Variants in KLF6 observed in about 807,000 individuals in gnomAD.
The protein encoded by KLF6 is Krueppel-like factor 6.
For missense variants in KLF6, 233 were observed against 359.8 expected, an observed-to-expected ratio of 0.65 and a Z score of 2.85; for synonymous variants, 152 against 147.9, an observed-to-expected ratio of 1.03 and a Z score of -0.20.
At chr10:3,779,677 GC>G in intron 3 of KLF6, 87 bp from the exon 4 acceptor site, 1 of 1,218,878 alleles carries the variant, frequency 8.2e-7, no homozygotes, top group Non-Finnish European at 1.2e-6. Flanking sequence ...TCCCTGCCCT[GC>G]CCAGCCTAAC....
rs2131098246 is a variant in KLF6 at position 3,781,769 on chromosome 10, G to A, written c.548C>T (p.Pro183Leu). Reference protein sequence around the residue: ...GKVRSGTSGKPGDKGNGDASP... With the variant: ...GKVRSGTSGKLGDKGNGDASP... ...GGCATCGCCATTTCCCTTGTCACCT[G>A]GCTTCCCCGAAGTCCCGCTGCGCAC... The change falls in exon 2 of 4, where the codon CCA becomes CTA. Residue 183 changes from proline (P) to leucine (L), a missense_variant. Coordinates refer to ENST00000497571, the MANE Select transcript of KLF6 (RefSeq NM_001300.6). The surrounding 1 kb of genome is among the most constrained non-coding windows in gnomAD (Gnocchi z 5.8). The A allele has an allele frequency of 1.2e-6, 2 of 1,614,246 alleles. No individual in the cohort carries two copies. The highest frequency in any genetic ancestry group is 1.7e-6 in the Non-Finnish European group (2 of 1,180,046).
At position 3,781,623 on chromosome 10, in the gene KLF6, G is replaced by T. The variant is rs1378356744; in HGVS notation, c.676+18C>A. The T allele has an allele frequency of 1.2e-6, 2 of 1,611,626 alleles. No homozygotes were observed. Among genetic ancestry groups the T allele is most frequent in the East Asian group, 2.2e-5 (1 of 44,806 alleles). On this transcript the variant is annotated intron_variant, in intron 2 of 3. Coordinates refer to ENST00000497571, the MANE Select transcript of KLF6 (RefSeq NM_001300.6). The surrounding 1 kb of genome is among the most constrained non-coding windows in gnomAD (Gnocchi z 5.8). ...CGCCCACCAGCGGCCGCCCTCCGGG[G>T]CCCGCGTGGGCACTGACCTGTGTGC...
intron 1 of KLF6, among the ~76,000 whole-genome samples, chr10:3,784,522 A>T (rs1056846719): frequency 8.5e-5 from 13 of 152,264 alleles, no homozygotes; most frequent in South Asian, 2.1e-4. Context: ...TGATTTTTTT[A>T]AAAAACTGTT....
In KLF6 at chr10:3,778,119, C is replaced by T. The variant is rs1302858827; in HGVS notation, c.*1420G>A. ...GCCTAAAGTGTTGAACAAATACTGACATGTAAAGGGAGTTTCACTCTATGT... is the reference window on the plus strand; with the variant it reads ...GCCTAAAGTGTTGAACAAATACTGATATGTAAAGGGAGTTTCACTCTATGT... On this transcript the variant is annotated 3_prime_UTR_variant, in exon 4 of 4. Coordinates refer to ENST00000497571, the MANE Select transcript of KLF6 (RefSeq NM_001300.6). 7.7e-6 allele frequency: 4 copies of T among 517,096 alleles called. No homozygotes were observed. Among genetic ancestry groups the T allele is most frequent in the African/African-American group, 3.8e-5 (2 of 52,822 alleles). 32.0% of individuals were successfully genotyped at this position (517,096 alleles called of 1,614,324 possible).
At position 3,780,299 on chromosome 10, in the gene KLF6, A is replaced by C. The variant is rs1200646989; in HGVS notation, c.677-70T>G. 12 of 1,590,664 alleles carry C rather than the reference A, an allele frequency of 7.5e-6. No individual in the cohort carries two copies. The East Asian group carries it at 1.1e-4, about 15-fold the overall frequency. ...CGCAGACGGAAAGGGGAAATTCAAC[A>C]ACACACACAGTGGTGGGATGCAAGG... is the stretch of plus-strand genomic sequence containing the variant. On this transcript the variant is annotated intron_variant, in intron 2 of 3. Coordinates refer to ENST00000497571, the MANE Select transcript of KLF6 (RefSeq NM_001300.6). The surrounding 1 kb of genome is among the most constrained non-coding windows in gnomAD (Gnocchi z 4.6).
In KLF6 at chr10:3,778,435, T is replaced by C. The variant is rs1204362754; in HGVS notation, c.*1104A>G. 5.7e-6 allele frequency: 3 copies of C among 525,640 alleles called. No individual in the cohort carries two copies. The highest frequency in any genetic ancestry group is 4.1e-5 in the East Asian group (1 of 24,634). The allele number at this position is 525,640 out of a possible 1,614,324, so 32.6% of individuals were successfully genotyped here. ...CCACCCAACTGAGAAAAATTTTAGG[T>C]TCTTAAGTCTAATGAAACATTAGAC... On this transcript the variant is annotated 3_prime_UTR_variant, in exon 4 of 4. Coordinates refer to ENST00000497571, the MANE Select transcript of KLF6 (RefSeq NM_001300.6).
rs1832513213 is a variant in KLF6, at chr10:3,781,300, A to C, written c.676+341T>G. On this transcript the variant is annotated intron_variant, in intron 2 of 3. Coordinates refer to ENST00000497571, the MANE Select transcript of KLF6 (RefSeq NM_001300.6). The surrounding 1 kb of genome is among the most constrained non-coding windows in gnomAD (Gnocchi z 5.8). ...AGGAAACCCCAGGGCCGCTCGAGGT[A>C]GCCTCGTGCGAGTGCACTGGTGAAG... 17 of 883,590 alleles carry C rather than the reference A, an allele frequency of 1.9e-5. No homozygotes were observed. In the South Asian group the frequency reaches 3.2e-4, roughly 16 times the overall value. The allele number at this position is 883,590 out of a possible 1,614,324, so 54.7% of individuals were successfully genotyped here.
rs143099103 is a variant in KLF6 at position 3,779,297 on chromosome 10, G to A, written c.*242C>T. The A allele has an allele frequency of 2.0e-5, 13 of 654,294 alleles. No homozygotes were observed. The highest frequency in any genetic ancestry group is 1.8e-4 in the East Asian group (6 of 34,016). 40.5% of individuals were successfully genotyped at this position (654,294 alleles called of 1,614,324 possible). ...GCATGCTCACGGCAAAGGCTTAGGC[G>A]CCGCTCGGAAGGGCGGGTACCAGTG... On this transcript the variant is annotated 3_prime_UTR_variant, in exon 4 of 4. Transcript: ENST00000497571.
chr10:3,777,558 C>G lies in KLF6; in HGVS notation c.*1981G>C. Reference sequence around the variant, plus strand: ...CTGCCCATTTGATGGACAGAGCAGACAGCCCGGAACAGATTCAAGCAAGAA... The same window carrying G: ...CTGCCCATTTGATGGACAGAGCAGAGAGCCCGGAACAGATTCAAGCAAGAA... On this transcript the variant is annotated 3_prime_UTR_variant, in exon 4 of 4. Coordinates refer to ENST00000497571, the MANE Select transcript of KLF6 (RefSeq NM_001300.6). 2.0e-6 allele frequency: 1 copy of G among 510,696 alleles called. No homozygotes were observed. The highest frequency in any genetic ancestry group is 3.8e-6 in the Non-Finnish European group (1 of 261,396). 31.6% of individuals were successfully genotyped at this position (510,696 alleles called of 1,614,324 possible). A position where few individuals can be genotyped will look rare whatever the true frequency, so the allele number is the denominator to read the frequency against.
rs1400479269 is a variant in KLF6 at position 3,781,813 on chromosome 10, C to T, written c.504G>A (p.Glu168=). The change falls in exon 2 of 4, where the codon GAG becomes GAA. Residue 168 remains glutamate, a synonymous_variant. Coordinates refer to ENST00000497571, the MANE Select transcript of KLF6 (RefSeq NM_001300.6). This position sits in a 1 kb window ranked among gnomAD's most constrained non-coding sequence, Gnocchi z 5.8. ...TGCGCACCTTCCCTGGCGAGGGCAG[C>T]TCCCCGGGCACGCAACCCCACAGTT... ...PSQLWGCVPG[E]LPSPGKVRSG... is the part of the protein sequence containing the mutation. 1 of 1,614,250 alleles carries T rather than the reference C, an allele frequency of 6.2e-7. No homozygotes were observed. The highest frequency in any genetic ancestry group is 1.1e-5 in the South Asian group (1 of 91,088).
Position 3,781,272 on chromosome 10 carries a change from T to G in KLF6, c.676+369A>C. On this transcript the variant is annotated intron_variant, in intron 2 of 3. Transcript: ENST00000497571. The surrounding 1 kb of genome is among the most constrained non-coding windows in gnomAD (Gnocchi z 5.8). Reference sequence around the variant, plus strand: ...CCTCTGTCCTGACCCTTGAGTTTCATTTAGGAAACCCCAGGGCCGCTCGAG... The same window carrying G: ...CCTCTGTCCTGACCCTTGAGTTTCAGTTAGGAAACCCCAGGGCCGCTCGAG... The G allele has an allele frequency of 7.1e-5, 47 of 661,986 alleles. No individual in the cohort carries two copies. The highest frequency in any genetic ancestry group is 1.8e-4 in the East Asian group (6 of 32,726). The allele number at this position is 661,986 out of a possible 1,614,324, so 41.0% of individuals were successfully genotyped here.
In KLF6 at chr10:3,776,970, A is replaced by G. The variant is rs1832398214; in HGVS notation, c.*2569T>C. On this transcript the variant is annotated 3_prime_UTR_variant, in exon 4 of 4. Transcript: ENST00000497571. ...TGTCTTTTGCTTACCTTCTTGCTTA[A>G]TGGAATTGTTATGGCTAAGCACATA... is the stretch of plus-strand genomic sequence containing the variant. 2 of 515,456 alleles carry G rather than the reference A, an allele frequency of 3.9e-6. No individual in the cohort carries two copies. Among genetic ancestry groups the G allele is most frequent in the Non-Finnish European group, 7.5e-6 (2 of 265,938 alleles). 31.9% of individuals were successfully genotyped at this position (515,456 alleles called of 1,614,324 possible).
In KLF6 at chr10:3,782,828, G is replaced by A. The variant is rs927470410; in HGVS notation, c.103-614C>T. Among the ~76,000 whole-genome samples, 5 of 152,234 alleles carry A rather than the reference G, an allele frequency of 3.3e-5. No individual in the cohort carries two copies. Among genetic ancestry groups the A allele is most frequent in the African/African-American group, 1.2e-4 (5 of 41,462 alleles). On this transcript the variant is annotated intron_variant, in intron 1 of 3. Coordinates refer to ENST00000497571, the MANE Select transcript of KLF6 (RefSeq NM_001300.6). This position sits in a 1 kb window ranked among gnomAD's most constrained non-coding sequence, Gnocchi z 4.3. ...TGCAGAAAAACCACCCATTTCCTGTGTAGCCCAGACCGCCTATGTTTTCAC... is the reference window on the plus strand; with the variant it reads ...TGCAGAAAAACCACCCATTTCCTGTATAGCCCAGACCGCCTATGTTTTCAC...
chr10:3,781,951 C>G lies in KLF6; in HGVS notation c.366G>C (p.Thr122=), dbSNP rs141079724. Residue 122 remains threonine (T), a synonymous_variant, in exon 2 of 4, where the codon ACG becomes ACC. Coordinates refer to ENST00000497571, the MANE Select transcript of KLF6 (RefSeq NM_001300.6). The surrounding 1 kb of genome is among the most constrained non-coding windows in gnomAD (Gnocchi z 5.8). ...CAATGGGGTCGGAGGTAAACTTGGC[C>G]GTGGGAGAAAGTTCCTCGGAGCTGT... ...SSDSSEELSP[T]AKFTSDPIGE... is the part of the protein sequence containing the mutation. The G allele has an allele frequency of 1.9e-6, 3 of 1,614,156 alleles. No homozygotes were observed. The highest frequency in any genetic ancestry group is 2.5e-6 in the Non-Finnish European group (3 of 1,180,036).
chr10:3,777,773 C>G lies in KLF6; in HGVS notation c.*1766G>C, dbSNP rs1466107660. On this transcript the variant is annotated 3_prime_UTR_variant, in exon 4 of 4. Transcript: ENST00000497571. ...TCTATATATATAATATATATATATA[C>G]ACACATACACATACTGTACACACAA... The G allele has an allele frequency of 3.1e-5, 12 of 390,176 alleles. No homozygotes were observed. The highest frequency in any genetic ancestry group is 4.3e-5 in the African/African-American group (2 of 46,032). The allele number at this position is 390,176 out of a possible 1,614,324, so 24.2% of individuals were successfully genotyped here. A position where few individuals can be genotyped will look rare whatever the true frequency, so the allele number is the denominator to read the frequency against.
At position 3,782,280 on chromosome 10, in the gene KLF6, T is replaced by C. The variant is rs746646473; in HGVS notation, c.103-66A>G. ...CGACCAAAAGTAAAAGCAAAAGCAATTTCCAAAAACATGCAAGAATGAAGG... is the reference window on the plus strand; with the variant it reads ...CGACCAAAAGTAAAAGCAAAAGCAACTTCCAAAAACATGCAAGAATGAAGG... On this transcript the variant is annotated intron_variant, in intron 1 of 3. Transcript: ENST00000497571. This position sits in a 1 kb window ranked among gnomAD's most constrained non-coding sequence, Gnocchi z 4.3. 345 of 1,372,834 alleles carry C rather than the reference T, an allele frequency of 2.5e-4. 1 individual carries two copies. The highest frequency in any genetic ancestry group is 3.2e-4 in the Non-Finnish European group (314 of 977,314). 85.0% of individuals were successfully genotyped at this position (1,372,834 alleles called of 1,614,324 possible). A position where few individuals can be genotyped will look rare whatever the true frequency, so the allele number is the denominator to read the frequency against.
rs542623084 is a variant in KLF6, at chr10:3,781,497, T to C, written c.676+144A>G. ...TACTCTGAACTCCAAAAAGACCTAA[T>C]GCTTTGGTGGAAAACATCTGAGGAA... is the stretch of plus-strand genomic sequence containing the variant. On this transcript the variant is annotated intron_variant, in intron 2 of 3. Coordinates refer to ENST00000497571, the MANE Select transcript of KLF6 (RefSeq NM_001300.6). The surrounding 1 kb of genome is among the most constrained non-coding windows in gnomAD (Gnocchi z 5.8). The C allele has an allele frequency of 5.0e-5, 77 of 1,551,700 alleles. No homozygotes were observed. The highest frequency in any genetic ancestry group is 6.4e-5 in the Non-Finnish European group (74 of 1,147,408).
intron 1 of KLF6, among the ~76,000 whole-genome samples, chr10:3,783,654 C>T (rs1288108740): frequency 6.6e-6 from 1 of 152,222 alleles, no homozygotes; most frequent in Admixed American, 6.5e-5. Flanking sequence ...TGAAGAGAGG[C>T]AGCAGCGATG....
Position 3,781,568 on chromosome 10 carries a change from G to A in KLF6, c.676+73C>T, listed in dbSNP as rs1701257910. The A allele has an allele frequency of 6.3e-7, 1 of 1,588,504 alleles. No homozygotes were observed. Among genetic ancestry groups the A allele is most frequent in the Non-Finnish European group, 8.6e-7 (1 of 1,167,518 alleles). On this transcript the variant is annotated intron_variant, in intron 2 of 3. Coordinates refer to ENST00000497571, the MANE Select transcript of KLF6 (RefSeq NM_001300.6). This position sits in a 1 kb window ranked among gnomAD's most constrained non-coding sequence, Gnocchi z 5.8. ...ACCACATCCTGTGCAGCCAGGCCCGGCTCCCTCCAGGGCTGGTGCAATGCA... is the reference window on the plus strand; with the variant it reads ...ACCACATCCTGTGCAGCCAGGCCCGACTCCCTCCAGGGCTGGTGCAATGCA...
Sources: allele counts gnomAD v4.1 joint callset (sites outside exome capture counted in the v4.1 genomes callset), GRCh38; gene constraint gnomAD v4.1.1; non-coding constraint Gnocchi (gnomAD v3.1); transcripts MANE v1.5; gene names NCBI Gene and HGNC (gene_info 2026-07-23, HGNC 2026-07-21).